The following C7orf25 variants were observed in gnomAD, a reference collection of about 807,000 sequenced individuals.
The protein encoded by C7orf25 is chromosome 7 open reading frame 25.
In C7orf25, 14 loss-of-function variants were observed where a neutral mutation model predicts 25.5. That is an observed-to-expected ratio of 0.55 (90% CI 0.36 to 0.86). The LOEUF is 0.86. C7orf25 is among the 40% of genes least tolerant of loss of function. The pLI is 0.01. For missense variants in C7orf25, 405 were observed against 493.9 expected (o/e 0.82, Z 1.71); for synonymous variants, 184 against 179.9 (o/e 1.02, Z -0.18).
rs749070124 is a variant in C7orf25, at chr7:42,912,019, G to T, written c.-126C>A. 3 of 1,483,134 alleles carry T rather than the reference G, an allele frequency of 2.0e-6. No homozygotes were observed. The highest frequency in any genetic ancestry group is 2.5e-5 in the South Asian group (2 of 78,812). 91.9% of individuals were successfully genotyped at this position (1,483,134 alleles called of 1,614,324 possible). Reference sequence around the variant, plus strand: ...GCAGCCCCCACCCCGCTCGAACGCCGAGGCGGCTCCACCCGCGCGAGCCCC... The same window carrying T: ...GCAGCCCCCACCCCGCTCGAACGCCTAGGCGGCTCCACCCGCGCGAGCCCC... On this transcript the variant is annotated 5_prime_UTR_variant, in exon 1 of 2. Coordinates refer to ENST00000350427, the MANE Select transcript of C7orf25 (RefSeq NM_001099858.2).
At chr7:42,911,082 G>C (rs1209110288) in intron 1 of C7orf25, 161 bp from the exon 2 acceptor site, 20 of 1,187,110 alleles carry the variant, frequency 1.7e-5, no homozygotes, top group Non-Finnish European at 2.4e-5. Flanking sequence ...TGCTTCCTCT[G>C]ATAGCTAAGG....
In C7orf25 at chr7:42,909,792, G is replaced by A; in HGVS notation, c.1109C>T (p.Ala370Val). 10 of 1,614,122 alleles carry A rather than the reference G, an allele frequency of 6.2e-6. No individual in the cohort carries two copies. The highest frequency in any genetic ancestry group is 8.5e-6 in the Non-Finnish European group (10 of 1,180,026). The part of the protein sequence containing the change: ...TIFGTGDTLK[A>V]ITMTANSGFV... ...ACCACTATTAGCAGTCATTGTGATG[G>A]CTTTTAGGGTGTCTCCCGTCCCAAA... Residue 370 changes from alanine to valine, a missense_variant, in exon 2 of 2, where the codon GCC becomes GTC. Coordinates refer to ENST00000350427, the MANE Select transcript of C7orf25 (RefSeq NM_001099858.2).
Position 42,910,131 on chromosome 7 carries a change from G to A in C7orf25, c.770C>T (p.Thr257Ile), listed in dbSNP as rs1785851075. The stretch of plus-strand genomic sequence containing the variant: ...TCCATAGCTGAGGGCAGATACATAT[G>A]TGATTAAAGTAGTAATGTCCAGATT... ...RVNLDITTLI[T>I]YVSALSYGGC... Residue 257 changes from threonine (T) to isoleucine (I), a missense_variant, in exon 2 of 2, where the codon ACA (threonine) becomes ATA (isoleucine). Physicochemically the swap from Thr to Ile is moderately conservative, Grantham distance 89. Coordinates refer to ENST00000350427, the MANE Select transcript of C7orf25 (RefSeq NM_001099858.2). 5 of 1,614,158 alleles carry A rather than the reference G, an allele frequency of 3.1e-6. No individual in the cohort carries two copies. Among genetic ancestry groups the A allele is most frequent in the African/African-American group, 1.3e-5 (1 of 75,044 alleles).
At position 42,912,044 on chromosome 7, in the gene C7orf25, C is replaced by G; in HGVS notation, c.-151G>C. Reference sequence around the variant, plus strand: ...GAGGCGGCTCCACCCGCGCGAGCCCCGCCGCCTCGGGCACCTCCTGCATCA... The same window carrying G: ...GAGGCGGCTCCACCCGCGCGAGCCCGGCCGCCTCGGGCACCTCCTGCATCA... On this transcript the variant is annotated 5_prime_UTR_variant, in exon 1 of 2. Transcript: ENST00000350427. The G allele has an allele frequency of 2.7e-6, 4 of 1,465,244 alleles. No homozygotes were observed. Among genetic ancestry groups the G allele is most frequent in the Non-Finnish European group, 2.7e-6 (3 of 1,116,726 alleles). 90.8% of individuals were successfully genotyped at this position (1,465,244 alleles called of 1,614,324 possible).
At chr7:42,911,746 G>C in intron 1 of C7orf25, 169 bp downstream of exon 1, 1 of 1,218,346 alleles carries the variant, frequency 8.2e-7, no homozygotes, top group Non-Finnish European at 1.0e-6. Context: ...GCCCTGCCAG[G>C]AGGGGCCGGG....
rs1785826649 is a variant in C7orf25 at position 42,909,413 on chromosome 7, C to G, written c.*222G>C. 2 of 500,502 alleles carry G rather than the reference C, an allele frequency of 4.0e-6. No homozygotes were observed. The highest frequency in any genetic ancestry group is 6.3e-5 in the East Asian group (2 of 31,748). 31.0% of individuals were successfully genotyped at this position (500,502 alleles called of 1,614,324 possible). On this transcript the variant is annotated 3_prime_UTR_variant, in exon 2 of 2. Coordinates refer to ENST00000350427, the MANE Select transcript of C7orf25 (RefSeq NM_001099858.2). ...AGCTTTATATAGACGTATTTCGGTTCTTAATTGCACTAATGCAGACAGTTT... is the reference window on the plus strand; with the variant it reads ...AGCTTTATATAGACGTATTTCGGTTGTTAATTGCACTAATGCAGACAGTTT...
In C7orf25 at chr7:42,909,688, C is replaced by T; in HGVS notation, c.1213G>A (p.Glu405Lys). 1 of 1,614,170 alleles carries T rather than the reference C, an allele frequency of 6.2e-7. No individual in the cohort carries two copies. Among genetic ancestry groups the T allele is most frequent in the Non-Finnish European group, 8.5e-7 (1 of 1,180,024 alleles). Residue 405 changes from glutamate (E) to lysine (K), a missense_variant, in exon 2 of 2, where the codon GAG (glutamate) becomes AAG (lysine). Transcript: ENST00000350427. ...TTTGGTAAGGGGGTGGCTAGAGCCT[C>T]TTTACTCTCAGTAAGTGCTCTGGGC... The part of the protein sequence containing the change: ...HQPRALTESK[E>K]ALATPLPKDY...
rs971926110 is a variant in C7orf25, at chr7:42,909,506, G to C, written c.*129C>G. The C allele has an allele frequency of 2.6e-5, 25 of 959,650 alleles. No individual in the cohort carries two copies. The highest frequency in any genetic ancestry group is 3.6e-5 in the Non-Finnish European group (24 of 658,210). The allele number at this position is 959,650 out of a possible 1,614,324, so 59.4% of individuals were successfully genotyped here. On this transcript the variant is annotated 3_prime_UTR_variant, in exon 2 of 2. Coordinates refer to ENST00000350427, the MANE Select transcript of C7orf25 (RefSeq NM_001099858.2). ...TTATATACTTTAGATGAGAGACAAA[G>C]AAACTCTACTGGTTTAAGAGTTCTC...
Position 42,909,753 on chromosome 7 carries a change from G to C in C7orf25, c.1148C>G (p.Ala383Gly). The C allele has an allele frequency of 6.2e-7, 1 of 1,614,170 alleles. No individual in the cohort carries two copies. Among genetic ancestry groups the C allele is most frequent in the Non-Finnish European group, 8.5e-7 (1 of 1,180,040 alleles). Residue 383 changes from alanine to glycine, a missense_variant, in exon 2 of 2, where the codon GCA (alanine) becomes GGA (glycine). Ala to Gly is a moderately conservative substitution (Grantham distance 60, BLOSUM62 0). Transcript: ENST00000350427. ...ACTAAATTTAACACCCTGGTTGTTT[G>C]CAGCTCTGACAAAACCACTATTAGC... is the stretch of plus-strand genomic sequence containing the variant. Reference protein sequence around the residue: ...MTANSGFVRAANNQGVKFSVF... With the variant: ...MTANSGFVRAGNNQGVKFSVF...
rs1366160728 is a variant in C7orf25 at position 42,910,213 on chromosome 7, T to C, written c.688A>G (p.Ile230Val). The C allele has an allele frequency of 2.3e-5, 37 of 1,614,138 alleles. No individual in the cohort carries two copies. The highest frequency in any genetic ancestry group is 3.0e-5 in the Non-Finnish European group (35 of 1,180,060). The change falls in exon 2 of 2, where the codon ATA (isoleucine) becomes GTA (valine). Residue 230 changes from isoleucine to valine, a missense_variant. Physicochemically the swap from Ile to Val is conservative, Grantham distance 29. Transcript: ENST00000350427. ...GTTGGAAACGCAACACTTGCTAGTA[T>C]ATTTTCTCGGTCAACTCTGGTCACC... ...LQVTRVDRENILASVAFPTEI... is the reference protein window; with the variant it reads ...LQVTRVDRENVLASVAFPTEI...
intron 1 of C7orf25, chr7:42,911,428 C>A (rs1002708766): frequency 2.2e-5 from 22 of 1,010,594 alleles, no homozygotes; most frequent in Admixed American, 1.6e-4. Context: ...CTCCTTCAAC[C>A]GGCTGCCTCA....
At position 42,910,311 on chromosome 7, in the gene C7orf25, G is replaced by A. The variant is rs1236104346; in HGVS notation, c.590C>T (p.Ala197Val). ...AAGCTCTTCAGGGTGATCTAACAGA[G>A]CGTTGACTGCTACTATGTCTCCTCT... ...SVRGDIVAVNALLDHPEELQP... is the reference protein window; with the variant it reads ...SVRGDIVAVNVLLDHPEELQP... The change falls in exon 2 of 2, where the codon GCT becomes GTT. Residue 197 changes from alanine (A) to valine (V), a missense_variant. Physicochemically the swap from Ala to Val is moderately conservative, Grantham distance 64 (BLOSUM62 0). Transcript: ENST00000350427. 4 of 1,614,078 alleles carry A rather than the reference G, an allele frequency of 2.5e-6. No homozygotes were observed. Among genetic ancestry groups the A allele is most frequent in the Non-Finnish European group, 1.7e-6 (2 of 1,180,056 alleles).
intron 1 of C7orf25, 133 bp from the exon 2 acceptor site, chr7:42,911,054 G>A (rs1463259597): frequency 7.0e-7 from 1 of 1,427,148 alleles, no homozygotes; most frequent in Non-Finnish European, 9.6e-7. Flanking sequence ...GCTTGTGTAT[G>A]TCTCATTCTG....
chr7:42,911,838 G>C, intron 1 of C7orf25, 77 bp downstream of exon 1: 4 of 1,307,180 alleles, frequency 3.1e-6, no homozygotes, highest in Non-Finnish European at 3.9e-6. Context: ...CCGCCGGGCC[G>C]GCCCTGCCCA....
chr7:42,910,599 TTTTCTCC>T lies in C7orf25; in HGVS notation c.295_301del (p.Gly99SerfsTer6). The T allele has an allele frequency of 6.2e-7, 1 of 1,614,172 alleles. No homozygotes were observed. Among genetic ancestry groups the T allele is most frequent in the Non-Finnish European group, 8.5e-7 (1 of 1,180,046 alleles). ...AACTACATCTACCACAAGGGTTTGC[TTTTCTCC>T]TAAGGTATCTGTATAACCAAAGACA... On this transcript the variant is annotated frameshift_variant, in exon 2 of 2. Coordinates refer to ENST00000350427, the MANE Select transcript of C7orf25 (RefSeq NM_001099858.2). LOFTEE classifies it high-confidence loss of function.
chr7:42,909,812 C>A lies in C7orf25; in HGVS notation c.1089G>T (p.Gly363=). 6.2e-7 allele frequency: 1 copy of A among 1,614,144 alleles called. No individual in the cohort carries two copies. Among genetic ancestry groups the A allele is most frequent in the East Asian group, 2.2e-5 (1 of 44,876 alleles). The change falls in exon 2 of 2, where the codon GGG becomes GGT. Residue 363 remains glycine, a synonymous_variant. Transcript: ENST00000350427. ...TGATGGCTTTTAGGGTGTCTCCCGTCCCAAAAATTGTTAATGAGCGGCTAT... is the reference window on the plus strand; with the variant it reads ...TGATGGCTTTTAGGGTGTCTCCCGTACCAAAAATTGTTAATGAGCGGCTAT... ...KINSRSLTIF[G]TGDTLKAITM...
At chr7:42,911,361 T>C in intron 1 of C7orf25, 1 of 1,165,764 alleles carries the variant, frequency 8.6e-7, no homozygotes. Flanking sequence ...AAAGCAAGTG[T>C]CTGTCCTAAA....
rs755583637 is a variant in C7orf25 at position 42,909,664 on chromosome 7, T to C, written c.1237A>G (p.Lys413Glu). 3.7e-6 allele frequency: 6 copies of C among 1,613,310 alleles called. No individual in the cohort carries two copies. Among genetic ancestry groups the C allele is most frequent in the Non-Finnish European group, 4.2e-6 (5 of 1,179,762 alleles). ...SKEALATPLPKDYTTDSEH is the reference protein window; with the variant it reads ...SKEALATPLPEDYTTDSEH ...TGTTCACTGTCAGTTGTGTAGTCTT[T>C]TGGTAAGGGGGTGGCTAGAGCCTCT... Residue 413 changes from lysine (K) to glutamate (E), a missense_variant, in exon 2 of 2, where the codon AAA becomes GAA. Lys to Glu is a moderately conservative substitution (Grantham distance 56). Coordinates refer to ENST00000350427, the MANE Select transcript of C7orf25 (RefSeq NM_001099858.2).
rs895067768 is a variant in C7orf25 at position 42,909,701 on chromosome 7, A to G, written c.1200T>C (p.Leu400=). ...TGGCTAGAGCCTCTTTACTCTCAGT[A>G]AGTGCTCTGGGCTGATGGATAAACA... ...FSVFIHQPRA[L]TESKEALATP... The change falls in exon 2 of 2, where the codon CTT becomes CTC. Residue 400 remains leucine, a synonymous_variant. Coordinates refer to ENST00000350427, the MANE Select transcript of C7orf25 (RefSeq NM_001099858.2). The G allele has an allele frequency of 2.5e-6, 4 of 1,614,090 alleles. No homozygotes were observed. In the African/African-American group the frequency reaches 5.3e-5, roughly 22 times the overall value.
Sources: allele counts gnomAD v4.1 joint callset, GRCh38; gene constraint gnomAD v4.1.1; transcripts MANE v1.5; gene names NCBI Gene and HGNC (gene_info 2026-07-23, HGNC 2026-07-21).